CARD10: variants seen among roughly 807,000 people sequenced by gnomAD.
The protein encoded by CARD10 is caspase recruitment domain family member 10, also known as caspase recruitment domain-containing protein 10.
In CARD10, 49 loss-of-function variants were observed where a neutral mutation model predicts 114.6. The observed-to-expected ratio is 0.43, with a 90% confidence interval of 0.34 to 0.54. The LOEUF (loss-of-function observed/expected upper bound fraction) is 0.54, where lower values mean the gene tolerates loss of function less well. Ranked by LOEUF, CARD10 falls within the 20% of genes least tolerant of loss-of-function variation. CARD10 has a pLI of 0.03. For missense variants in CARD10, 1,206 were observed against 1,397.2 expected, an observed-to-expected ratio of 0.86 and a Z score of 2.18; for synonymous variants, 602 against 593.2, an observed-to-expected ratio of 1.01 and a Z score of -0.21.
rs1288266634 is a variant in CARD10 at position 37,506,389 on chromosome 22, G to A, written c.1192-6C>T. 3.9e-6 allele frequency: 6 copies of A among 1,548,930 alleles called. No homozygotes were observed. Among genetic ancestry groups the A allele is most frequent in the South Asian group, 3.7e-5 (3 of 82,182 alleles). On this transcript the variant is annotated splice_polypyrimidine_tract_variant and splice_region_variant and intron_variant, in intron 6 of 19. Coordinates refer to ENST00000251973, the MANE Select transcript of CARD10 (RefSeq NM_014550.4). ...CGGTCACGGCTCTGGATGGCCTAGG[G>A]TTGGGGGAGGGGAGGCAGCAGCTGA...
At chr22:37,507,800 A>T in intron 6 of CARD10, 29 bp downstream of exon 6, 2 of 1,613,688 alleles carry the variant, frequency 1.2e-6, no homozygotes, top group South Asian at 1.1e-5. Flanking sequence ...CAACTGGCCC[A>T]GGGCCTCGTA....
chr22:37,508,030 G>A (rs1349776437), intron 5 of CARD10, 76 bp from the exon 6 acceptor site: 2 of 1,571,552 alleles, frequency 1.3e-6, no homozygotes, highest in Non-Finnish European at 1.7e-6. Flanking sequence ...TGCCCAGGAG[G>A]GCCAGTGAGA....
chr22:37,492,794 G>A lies in CARD10; in HGVS notation c.2485C>T (p.Arg829Trp), dbSNP rs201794655. ...ACCAAACTGTAGGGTCTGAGGCTCC[G>A]CTCCGGCTCTGTGGCAGGGGAGGGG... ...LLLEPCAEPE[R>W]SLRPYSLVRP... is the part of the protein sequence containing the mutation. The change falls in exon 17 of 20, where the codon CGG (arginine) becomes TGG (tryptophan). Residue 829 changes from arginine (R) to tryptophan (W), a missense_variant. Arg to Trp is a moderately radical substitution (Grantham distance 101, BLOSUM62 -3). This residue lies in a region of CARD10 where 1,068 missense variants were observed against 1,179.1 expected (regional missense o/e 0.91). Transcript: ENST00000251973. This position sits in a 1 kb window ranked among gnomAD's most constrained non-coding sequence, Gnocchi z 5.7. The A allele has an allele frequency of 1.5e-4, 236 of 1,611,244 alleles. No homozygotes were observed. Among genetic ancestry groups the A allele is most frequent in the Middle Eastern group, 1.3e-3 (8 of 6,054 alleles).
intron 7 of CARD10, among the ~76,000 whole-genome samples, 169 bp downstream of exon 7, chr22:37,506,023 G>C (rs1923392347): frequency 6.6e-6 from 1 of 152,100 alleles, no homozygotes; most frequent in South Asian, 2.1e-4. Flanking sequence ...ACCCAGCCCA[G>C]CCTGGGTTCA....
intron 9 of CARD10, 52 bp from the exon 10 acceptor site, chr22:37,503,265 T>C (rs1209632528): frequency 6.6e-7 from 1 of 1,526,104 alleles, no homozygotes; most frequent in Non-Finnish European, 8.9e-7. Context: ...CAGTGGGCAC[T>C]CTGCCCCGCT....
At chr22:37,504,386 C>A in intron 8 of CARD10, 85 bp from the exon 9 acceptor site, 1 of 1,166,694 alleles carries the variant, frequency 8.6e-7, no homozygotes, top group Non-Finnish European at 1.2e-6. Flanking sequence ...GCCCATTCCA[C>A]AAATGAGAAG....
In CARD10 at chr22:37,492,791, T is replaced by C; in HGVS notation, c.2488A>G (p.Ser830Gly). Residue 830 changes from serine (S) to glycine (G), a missense_variant, in exon 17 of 20, where the codon AGC (serine) becomes GGC (glycine). Ser to Gly is a moderately conservative substitution (Grantham distance 56). Around this residue, in one of 2 missense-constraint regions of CARD10, gnomAD observed 1,068 missense variants for 1,179.1 expected, o/e 0.91. Coordinates refer to ENST00000251973, the MANE Select transcript of CARD10 (RefSeq NM_014550.4). This position sits in a 1 kb window ranked among gnomAD's most constrained non-coding sequence, Gnocchi z 5.7. Reference protein sequence around the residue: ...LLEPCAEPERSLRPYSLVRPL... With the variant: ...LLEPCAEPERGLRPYSLVRPL... ...CGCACCAAACTGTAGGGTCTGAGGC[T>C]CCGCTCCGGCTCTGTGGCAGGGGAG... is the stretch of plus-strand genomic sequence containing the variant. 1 of 1,611,608 alleles carries C rather than the reference T, an allele frequency of 6.2e-7. No homozygotes were observed. Among genetic ancestry groups the C allele is most frequent in the South Asian group, 1.1e-5 (1 of 91,034 alleles).
At position 37,519,113 on chromosome 22, in the gene CARD10, G is replaced by A; in HGVS notation, c.88C>T (p.Arg30Ter). The A allele has an allele frequency of 1.3e-6, 2 of 1,582,380 alleles. No homozygotes were observed. Among genetic ancestry groups the A allele is most frequent in the Non-Finnish European group, 8.5e-7 (1 of 1,171,636 alleles). Residue 30 changes from arginine (R) to a stop codon, truncating the protein, a stop_gained, in exon 1 of 20, where the codon CGA (arginine) becomes TGA (stop). Transcript: ENST00000251973. LOFTEE classifies it high-confidence loss of function. The surrounding 1 kb of genome is among the most constrained non-coding windows in gnomAD (Gnocchi z 4.1). The part of the protein sequence containing the change: ...SEAEEDALWE[R>*]IEGVRHRLAR... ...AGCCGATGCCGGACGCCCTCGATTC[G>A]CTCCCACAGCGCGTCCTCCTCCGCC...
chr22:37,515,959 T>C lies in CARD10; in HGVS notation c.699+14A>G. ...CCTTCCCTTGCCTCCCCGACCCATC[T>C]CCCCAGGGCCTACCGCCAGCTGCAG... On this transcript the variant is annotated intron_variant, in intron 3 of 19. Coordinates refer to ENST00000251973, the MANE Select transcript of CARD10 (RefSeq NM_014550.4). 1 of 1,542,388 alleles carries C rather than the reference T, an allele frequency of 6.5e-7. No homozygotes were observed. The highest frequency in any genetic ancestry group is 8.8e-7 in the Non-Finnish European group (1 of 1,137,174).
intron 11 of CARD10, 51 bp downstream of exon 11, chr22:37,502,551 C>T (rs561448064): frequency 3.2e-6 from 5 of 1,583,714 alleles, no homozygotes; most frequent in South Asian, 2.3e-5. Context: ...CACTCCTGTT[C>T]CCCTCTCAAG....
Position 37,504,713 on chromosome 22 carries a change from G to A in CARD10, c.1440C>T (p.Ser480=), listed in dbSNP as rs150575230. ...CSNLSSTWSL[S]EFPSPLGGPE... Reference sequence around the variant, plus strand: ...GGCCTCCCAGAGGGGAGGGGAACTCGCTCAGGCTCCAAGTGCTGCTGAGGT... The same window carrying A: ...GGCCTCCCAGAGGGGAGGGGAACTCACTCAGGCTCCAAGTGCTGCTGAGGT... Residue 480 remains serine, a synonymous_variant, in exon 8 of 20, where the codon AGC becomes AGT. Transcript: ENST00000251973. The A allele has an allele frequency of 7.5e-4, 1,186 of 1,583,712 alleles. 11 individuals are homozygous for A. The highest frequency in any genetic ancestry group is 1.0e-3 in the Middle Eastern group (6 of 5,958).
At chr22:37,508,737 T>G in intron 4 of CARD10, 55 bp from the exon 5 acceptor site, 1 of 1,494,034 alleles carries the variant, frequency 6.7e-7, no homozygotes, top group Non-Finnish European at 8.9e-7. Context: ...CCACCCTGGG[T>G]GTGGGAAGGA....
Position 37,501,473 on chromosome 22 carries a change from C to T in CARD10, c.1787+1129G>A, listed in dbSNP as rs533337634. Among the ~76,000 whole-genome samples, 3 of 152,332 alleles carry T rather than the reference C, an allele frequency of 2.0e-5. No homozygotes were observed. The highest frequency in any genetic ancestry group is 7.2e-5 in the African/African-American group (3 of 41,574). The stretch of plus-strand genomic sequence containing the variant: ...TCTCGCTGAGCCCACTGCCGGGGGC[C>T]AGGTGGGGGCAGGGCCTGGACACTG... On this transcript the variant is annotated intron_variant, in intron 11 of 19. Coordinates refer to ENST00000251973, the MANE Select transcript of CARD10 (RefSeq NM_014550.4). The surrounding 1 kb of genome is among the most constrained non-coding windows in gnomAD (Gnocchi z 5.4).
intron 3 of CARD10, among the ~76,000 whole-genome samples, chr22:37,513,925 C>G (rs1008419073): frequency 6.6e-6 from 1 of 150,440 alleles, no homozygotes; most frequent in Admixed American, 6.7e-5. Context: ...ATGGTGAAAC[C>G]CCATCTCTAC....
intron 7 of CARD10, among the ~76,000 whole-genome samples, chr22:37,505,935 CA>C (rs1419048087): frequency 6.6e-6 from 1 of 152,170 alleles, no homozygotes. Flanking sequence ...AGACCAGCTC[CA>C]AACTATTCTT....
intron 6 of CARD10, 85 bp from the exon 7 acceptor site, chr22:37,506,468 T>A: frequency 9.9e-7 from 1 of 1,013,420 alleles, no homozygotes; most frequent in Non-Finnish European, 1.4e-6. Context: ...ATGGGGACAG[T>A]AAGGAGAATG....
chr22:37,517,316 C>T (rs568015229), intron 2 of CARD10, among the ~76,000 whole-genome samples: 1 of 152,174 alleles, frequency 6.6e-6, no homozygotes, highest in African/African-American at 2.4e-5. Flanking sequence ...GGCGTGTGTG[C>T]GTGTGTGTAT....
rs745457033 is a variant in CARD10 at position 37,519,012 on chromosome 22, C to T, written c.189G>A (p.Glu63=). 3.8e-5 allele frequency: 61 copies of T among 1,591,448 alleles called. No individual in the cohort carries two copies. The highest frequency in any genetic ancestry group is 5.0e-5 in the Non-Finnish European group (59 of 1,175,430). ...QCRVIDEQDE[E]EVLSTYRFPC... ...GGAAGCGGTAGGTGCTCAGCACCTC[C>T]TCCTCGTCCTGCTCGTCGATGACCC... The change falls in exon 1 of 20, where the codon GAG becomes GAA. Residue 63 remains glutamate (E), a synonymous_variant. Coordinates refer to ENST00000251973, the MANE Select transcript of CARD10 (RefSeq NM_014550.4). This position sits in a 1 kb window ranked among gnomAD's most constrained non-coding sequence, Gnocchi z 4.1.
chr22:37,494,223 G>T, intron 15 of CARD10, 35 bp from the exon 16 acceptor site: 1 of 1,405,270 alleles, frequency 7.1e-7, no homozygotes. Flanking sequence ...GCATCTGAGA[G>T]CTCAGCCCCG....
Sources: gnomAD v4.1 joint callset for allele counts (sites outside exome capture counted in the v4.1 genomes callset) on GRCh38, gnomAD v4.1.1 for gene constraint, gnomAD v4.1.1 regional missense constraint, Gnocchi (gnomAD v3.1) non-coding constraint, MANE v1.5 for transcripts, NCBI Gene and HGNC (gene_info 2026-07-23, HGNC 2026-07-21) for gene names.